NF1: variants seen among roughly 807,000 people sequenced by gnomAD.
NF1 encodes the protein neurofibromin.
NF1 carries 122 observed loss-of-function variants against 325.7 expected under a neutral mutation model. The observed-to-expected ratio is 0.37, with a 90% CI of 0.32 to 0.44. The LOEUF (loss-of-function observed/expected upper bound fraction) is 0.44, where lower values mean the gene tolerates loss of function less well. Among genes scored for constraint, NF1 ranks in the 20% least tolerant of loss-of-function variants. The probability of loss-of-function intolerance (pLI) is 1.00; values close to 1 mark genes in which losing one functional copy is unlikely to be tolerated. For missense variants in NF1, 2,140 were observed against 3,415.4 expected, an observed-to-expected ratio of 0.63 and a Z score of 9.31; for synonymous variants, 1,091 against 1,186.0, an observed-to-expected ratio of 0.92 and a Z score of 1.65.
At chr17:31,318,101 A>T in intron 36 of NF1, 1 of 559,204 alleles carries the variant, frequency 1.8e-6, no homozygotes, top group Non-Finnish European at 2.9e-6. Flanking sequence ...TTTGCTTTTT[A>T]AAATATTCAG....
rs769555730 is a variant in NF1 at position 31,258,348 on chromosome 17, T to A, written c.4178T>A (p.Val1393Asp). The A allele has an allele frequency of 6.2e-7, 1 of 1,613,948 alleles. No individual in the cohort carries two copies. Among genetic ancestry groups the A allele is most frequent in the Non-Finnish European group, 8.5e-7 (1 of 1,179,886 alleles). Residue 1393 changes from valine (V) to aspartate (D), a missense_variant, in exon 32 of 58, where the codon GTT becomes GAT. Coordinates refer to ENST00000358273, the MANE Select transcript of NF1 (RefSeq NM_001042492.3). ...TTCTCAACTCCTTGTTTTTAGGTGG[T>A]TAGCCAGCGTTTCCCTCAGAACAGC... is the stretch of plus-strand genomic sequence containing the variant. ...KEKKENKKSV[V>D]SQRFPQNSIG... is the part of the protein sequence containing the mutation.
chr17:31,292,278 C>G (rs984714061), intron 36 of NF1, among the ~76,000 whole-genome samples: 4 of 152,036 alleles, frequency 2.6e-5, no homozygotes, highest in African/African-American at 9.7e-5. Context: ...ATTTGATGTG[C>G]TTGAGAGATA....
Position 31,229,286 on chromosome 17 carries a change from G to C in NF1, c.2671G>C (p.Val891Leu), listed in dbSNP as rs1060500256. 4 of 1,613,878 alleles carry C rather than the reference G, an allele frequency of 2.5e-6. No individual in the cohort carries two copies. Among genetic ancestry groups the C allele is most frequent in the Non-Finnish European group, 3.4e-6 (4 of 1,179,852 alleles). Residue 891 changes from valine (V) to leucine (L), a missense_variant, in exon 21 of 58, where the codon GTC becomes CTC. Physicochemically the swap from Val to Leu is conservative, Grantham distance 32 (BLOSUM62 1). Transcript: ENST00000358273. ...TTCAGAGGGAAACGCAGATACACCT[G>C]TCAGCAAATTTATGGATCGGCTGTT... ...MSSEGNADTP[V>L]SKFMDRLLSL...
chr17:31,353,360 A>C (rs1392438721), intron 51 of NF1, among the ~76,000 whole-genome samples: 2 of 152,226 alleles, frequency 1.3e-5, no homozygotes, highest in African/African-American at 4.8e-5. Flanking sequence ...GGCCAGGTGC[A>C]GTGGCTCACG....
At chr17:31,108,491 G>A (rs948909830) in intron 1 of NF1, among the ~76,000 whole-genome samples, 1 of 151,830 alleles carries the variant, frequency 6.6e-6, no homozygotes, top group African/African-American at 2.4e-5. Flanking sequence ...GTGCAGGTTG[G>A]TCTCGAACTC....
chr17:31,186,949 C>A (rs954027914), intron 8 of NF1, among the ~76,000 whole-genome samples: 1 of 152,186 alleles, frequency 6.6e-6, no homozygotes, highest in African/African-American at 2.4e-5. Flanking sequence ...CAGCCAGCTA[C>A]CTTGTTGATT....
At chr17:31,279,610 G>T (rs1332253188) in intron 36 of NF1, among the ~76,000 whole-genome samples, 2 of 150,070 alleles carry the variant, frequency 1.3e-5, no homozygotes, top group Non-Finnish European at 1.5e-5. Flanking sequence ...AAAAAAGGAA[G>T]AAACTATTTG....
At chr17:31,356,696 T>C in intron 52 of NF1, 114 bp downstream of exon 52, 2 of 1,447,886 alleles carry the variant, frequency 1.4e-6, no homozygotes, top group Non-Finnish European at 1.9e-6. Flanking sequence ...ATAGAAACGT[T>C]TGCCATTTCT....
chr17:31,370,837 C>A (rs1194662988), intron 57 of NF1, among the ~76,000 whole-genome samples: 1 of 152,136 alleles, frequency 6.6e-6, no homozygotes, highest in Non-Finnish European at 1.5e-5. Flanking sequence ...TGCGGGCCAG[C>A]TCCAAGTTGT....
intron 1 of NF1, among the ~76,000 whole-genome samples, chr17:31,130,627 G>T (rs904833362): frequency 1.3e-5 from 2 of 152,144 alleles, no homozygotes; most frequent in African/African-American, 4.8e-5. Context: ...TCATGTTGGT[G>T]CAGGGGCTCA....
At chr17:31,372,452 G>C (rs968382651) in intron 57 of NF1, among the ~76,000 whole-genome samples, 4 of 152,104 alleles carry the variant, frequency 2.6e-5, no homozygotes, top group African/African-American at 9.7e-5. Flanking sequence ...TTTTATTGAT[G>C]TTTAACAGAA....
chr17:31,219,948 G>C (rs2066893642), intron 14 of NF1, among the ~76,000 whole-genome samples: 1 of 152,030 alleles, frequency 6.6e-6, no homozygotes, highest in African/African-American at 2.4e-5. Context: ...TGTTCATCTA[G>C]TTATCAGTTG....
chr17:31,174,610 A>G (rs1450856983), intron 5 of NF1, among the ~76,000 whole-genome samples: 1 of 152,218 alleles, frequency 6.6e-6, no homozygotes, highest in Non-Finnish European at 1.5e-5. Flanking sequence ...AGTGACTTAA[A>G]TATTATGAGG....
chr17:31,201,842 A>ACCTTACCACCTTAC (rs1332108326), intron 11 of NF1, among the ~76,000 whole-genome samples: 2 of 152,206 alleles, frequency 1.3e-5, no homozygotes, highest in Non-Finnish European at 2.9e-5. Context: ...AGCATTTGAT[A>ACCTTACCACCTTAC]CATTGACTTG....
chr17:31,367,244 A>G (rs1272058751), intron 57 of NF1: 1 of 1,312,732 alleles, frequency 7.6e-7, no homozygotes, highest in South Asian at 1.2e-5. Context: ...CTTGCTCTAA[A>G]TCAGCAGTTT....
intron 36 of NF1, among the ~76,000 whole-genome samples, chr17:31,322,563 T>C (rs930918875): frequency 2.9e-5 from 4 of 139,892 alleles, no homozygotes; most frequent in Non-Finnish European, 6.1e-5. Flanking sequence ...CACATATCTG[T>C]AATCCCAGCT....
rs761023505 is a variant in NF1, at chr17:31,227,580, C to G, written c.2383C>G (p.Pro795Ala). 1 of 1,613,778 alleles carries G rather than the reference C, an allele frequency of 6.2e-7. No individual in the cohort carries two copies. Among genetic ancestry groups the G allele is most frequent in the Non-Finnish European group, 8.5e-7 (1 of 1,179,812 alleles). The change falls in exon 20 of 58, where the codon CCA becomes GCA. Residue 795 changes from proline (P) to alanine (A), a missense_variant. Physicochemically the swap from Pro to Ala is conservative, Grantham distance 27. Around this residue, in one of 10 missense-constraint regions of NF1, gnomAD observed 380 missense variants for 639.3 expected, o/e 0.59. Transcript: ENST00000358273. ...EQATKLILNY[P>A]KAKMEDGQAA... ...AGCAACAAAGCTAATCCTTAACTAT[C>G]CAAAAGCCAAAATGGAAGATGGCCA...
At position 31,336,198 on chromosome 17, in the gene NF1, A is replaced by G. The variant is rs2069663902; in HGVS notation, c.6007-135A>G. The G allele has an allele frequency of 4.7e-6, 4 of 851,274 alleles. No homozygotes were observed. Among genetic ancestry groups the G allele is most frequent in the Non-Finnish European group, 7.4e-6 (4 of 537,186 alleles). 52.7% of individuals were successfully genotyped at this position (851,274 alleles called of 1,614,324 possible). A position where few individuals can be genotyped will look rare whatever the true frequency, so the allele number is the denominator to read the frequency against. On this transcript the variant is annotated intron_variant, in intron 40 of 57. Coordinates refer to ENST00000358273, the MANE Select transcript of NF1 (RefSeq NM_001042492.3). This position sits in a 1 kb window ranked among gnomAD's most constrained non-coding sequence, Gnocchi z 5.5. The stretch of plus-strand genomic sequence containing the variant: ...ATTGTATTTACTGACAGGCCTGTAA[A>G]TAAAATCTAGTATTTTTGAGGCCTC...
chr17:31,183,687 A>C (rs2066179470), intron 8 of NF1, among the ~76,000 whole-genome samples: 1 of 152,152 alleles, frequency 6.6e-6, no homozygotes. Flanking sequence ...TTAACATTTG[A>C]GTCAGTGGGC....
Sources: gnomAD v4.1 joint callset for allele counts (sites outside exome capture counted in the v4.1 genomes callset) on GRCh38, gnomAD v4.1.1 for gene constraint, gnomAD v4.1.1 regional missense constraint, Gnocchi (gnomAD v3.1) non-coding constraint, MANE v1.5 for transcripts, NCBI Gene and HGNC (gene_info 2026-07-23, HGNC 2026-07-21) for gene names.